The following TNRC18 variants were observed in gnomAD, a reference collection of about 807,000 sequenced individuals.
The protein encoded by TNRC18 is trinucleotide repeat-containing gene 18 protein.
TNRC18 carries 69 observed loss-of-function variants against 226.7 expected under a neutral mutation model. That is an observed-to-expected ratio of 0.30 (90% confidence interval 0.25 to 0.37). The LOEUF (loss-of-function observed/expected upper bound fraction) is 0.37. Ranked by LOEUF, TNRC18 falls within the 10% of genes least tolerant of loss-of-function variation. The pLI is 1.00. For missense variants in TNRC18, 4,754 were observed against 4,256.6 expected (o/e 1.12, Z -3.25); for synonymous variants, 2,449 against 1,927.6 (o/e 1.27, Z -7.09).
chr7:5,416,016 G>A (rs1261101866), intron 2 of TNRC18, among the ~76,000 whole-genome samples: 3 of 150,966 alleles, frequency 2.0e-5, no homozygotes, highest in East Asian at 2.0e-4. Flanking sequence ...CGGGGAGGCT[G>A]AAGCAGAATT....
In TNRC18 at chr7:5,362,778, C is replaced by T. The variant is rs781057999; in HGVS notation, c.4267G>A (p.Ala1423Thr). ...TCCCTCAGCATGTGGCTGCCAGCTG[C>T]CAGCAGACTCTCCAGGGAGGGCCGC... Reference protein sequence around the residue: ...VARPSLESLLAAGSHMLREVL... With the variant: ...VARPSLESLLTAGSHMLREVL... Residue 1423 changes from alanine to threonine, a missense_variant, in exon 12 of 30, where the codon GCA becomes ACA. Physicochemically the swap from Ala to Thr is moderately conservative, Grantham distance 58 (BLOSUM62 0). Transcript: ENST00000430969. 2 of 1,572,498 alleles carry T rather than the reference C, an allele frequency of 1.3e-6. No homozygotes were observed. The highest frequency in any genetic ancestry group is 1.7e-6 in the Non-Finnish European group (2 of 1,159,542).
At chr7:5,347,881 G>A (rs571999414) in intron 17 of TNRC18, among the ~76,000 whole-genome samples, 13 of 151,490 alleles carry the variant, frequency 8.6e-5, no homozygotes, top group South Asian at 2.1e-4. Flanking sequence ...CTTGAACCCC[G>A]GAGGCGGAGG....
intron 21 of TNRC18, among the ~76,000 whole-genome samples, chr7:5,323,890 A>G (rs1788630309): frequency 6.6e-6 from 1 of 152,106 alleles, no homozygotes; most frequent in Non-Finnish European, 1.5e-5. Flanking sequence ...TTTAAAGCCA[A>G]TCTGACCATA....
intron 5 of TNRC18, among the ~76,000 whole-genome samples, chr7:5,385,981 T>TC (rs1779750736): frequency 2.9e-5 from 1 of 34,484 alleles, no homozygotes; most frequent in Admixed American, 4.0e-4. Flanking sequence ...AAAGTCTGTC[T>TC]CAAAAAAAAA....
rs866821877 is a variant in TNRC18 at position 5,381,967 on chromosome 7, T to A, written c.2153-3943A>T. 6.6e-4 allele frequency among the ~76,000 whole-genome samples: 101 copies of A among 151,970 alleles called. 1 individual carries two copies. In the Middle Eastern group the frequency reaches 0.01, roughly 15 times the overall value. On this transcript the variant is annotated intron_variant, in intron 5 of 29. Transcript: ENST00000430969. ...GGCGACAGAGTGAGACTCCATCTCATAAATAAATTAATTAATTAAATAATA... is the reference window on the plus strand; with the variant it reads ...GGCGACAGAGTGAGACTCCATCTCAAAAATAAATTAATTAATTAAATAATA...
intron 18 of TNRC18, 127 bp from the exon 19 acceptor site, chr7:5,333,176 C>CTCTCCTGG: frequency 8.9e-7 from 1 of 1,119,882 alleles, no homozygotes; most frequent in Non-Finnish European, 1.3e-6. Context: ...TGCCCGTTTC[C>CTCTCCTGG]AGGAGAGGAA....
At chr7:5,356,840 A>C (rs1294473629) in intron 16 of TNRC18, 76 bp downstream of exon 16, 50 of 1,395,144 alleles carry the variant, frequency 3.6e-5, no homozygotes, top group Admixed American at 1.4e-4. Flanking sequence ...CGGGGGGGGA[A>C]GGAGGACGGT....
intron 2 of TNRC18, among the ~76,000 whole-genome samples, chr7:5,408,685 G>A (rs1781644890): frequency 6.6e-6 from 1 of 152,166 alleles, no homozygotes; most frequent in Admixed American, 6.5e-5. Context: ...CAAGAAAGCA[G>A]AGAGACAAGA....
At position 5,357,124 on chromosome 7, in the gene TNRC18, G is replaced by A. The variant is rs758597891; in HGVS notation, c.4986C>T (p.Cys1662=). The part of the protein sequence containing the change: ...AGGKSKTSGG[C]GRYLTPYDSL... ...TGTCGTAAGGAGTCAAGTACCTGCC[G>A]CAGCCCCCGCTAGTTTTCGATTTCC... The change falls in exon 16 of 30, where the codon TGC becomes TGT. Residue 1662 remains cysteine, a synonymous_variant. Coordinates refer to ENST00000430969, the MANE Select transcript of TNRC18 (RefSeq NM_001080495.3). The A allele has an allele frequency of 1.3e-5, 21 of 1,555,926 alleles. No individual in the cohort carries two copies. Among genetic ancestry groups the A allele is most frequent in the Middle Eastern group, 1.7e-4 (1 of 5,998 alleles).
rs1290425645 is a variant in TNRC18 at position 5,362,799 on chromosome 7, G to A, written c.4246C>T (p.Pro1416Ser). The A allele has an allele frequency of 1.9e-6, 3 of 1,566,252 alleles. No homozygotes were observed. The East Asian group carries it at 7.1e-5, about 37-fold the overall frequency. The change falls in exon 12 of 30, where the codon CCC (proline) becomes TCC (serine). Residue 1416 changes from proline to serine, a missense_variant. Physicochemically the swap from Pro to Ser is moderately conservative, Grantham distance 74. Coordinates refer to ENST00000430969, the MANE Select transcript of TNRC18 (RefSeq NM_001080495.3). ...GGAERALVAR[P>S]SLESLLAAGS... is the part of the protein sequence containing the mutation. ...GCTGCCAGCAGACTCTCCAGGGAGG[G>A]CCGCGCCACCAGGGCCCGCTCCGCA...
intron 2 of TNRC18, among the ~76,000 whole-genome samples, chr7:5,404,370 T>C (rs1021878009): frequency 5.3e-5 from 8 of 151,270 alleles, no homozygotes; most frequent in African/African-American, 1.9e-4. Flanking sequence ...GACTCCGTCT[T>C]GAGAAAAAAA....
At chr7:5,375,995 G>A (rs761355832) in intron 9 of TNRC18, 39 bp downstream of exon 9, 34 of 1,548,064 alleles carry the variant, frequency 2.2e-5, no homozygotes, top group African/African-American at 5.5e-5. Flanking sequence ...ACCCATGGGG[G>A]CCCCCAGAGG....
chr7:5,384,162 T>A (rs1001048184), intron 5 of TNRC18, among the ~76,000 whole-genome samples: 9 of 151,946 alleles, frequency 5.9e-5, no homozygotes, highest in Non-Finnish European at 1.3e-4. Context: ...GAGACGGGGT[T>A]TTACCACATT....
At chr7:5,358,005 C>T (rs922173696) in intron 15 of TNRC18, among the ~76,000 whole-genome samples, 1 of 152,128 alleles carries the variant, frequency 6.6e-6, no homozygotes, top group African/African-American at 2.4e-5. Flanking sequence ...GTGCTGCTGC[C>T]GATGGCCTGA....
At chr7:5,359,236 C>G (rs1792777007) in intron 15 of TNRC18, among the ~76,000 whole-genome samples, 162 bp downstream of exon 15, 1 of 152,094 alleles carries the variant, frequency 6.6e-6, no homozygotes, top group Admixed American at 6.6e-5. Context: ...CCCCTCTGTA[C>G]AATAAGGAAG....
intron 11 of TNRC18, 51 bp from the exon 12 acceptor site, chr7:5,362,876 C>A: frequency 1.4e-6 from 2 of 1,444,336 alleles, no homozygotes; most frequent in East Asian, 2.6e-5. Context: ...CTTCCCCAAC[C>A]CCAAACGGGG....
chr7:5,361,494 G>A (rs1424334548), intron 14 of TNRC18, 100 bp downstream of exon 14: 11 of 1,347,380 alleles, frequency 8.2e-6, no homozygotes, highest in Admixed American at 3.1e-5. Context: ...CCCGAGGGAC[G>A]CGAGGTCCCC....
At chr7:5,418,768 G>A (rs556258921) in intron 2 of TNRC18, among the ~76,000 whole-genome samples, 2 of 152,350 alleles carry the variant, frequency 1.3e-5, no homozygotes, top group South Asian at 2.1e-4. Flanking sequence ...CAAAGAAAAC[G>A]CGGGAGGGGG....
rs200029475 is a variant in TNRC18, at chr7:5,374,308, C to T, written c.2976G>A (p.Pro992=). Residue 992 remains proline (P), a synonymous_variant, in exon 10 of 30, where the codon CCG becomes CCA. Transcript: ENST00000430969. ...PAGTYGKAVS[P]PPSPRASPVA... Reference sequence around the variant, plus strand: ...CAGGGGATGCGCGGGGTGATGGTGGCGGGCTCACGGCCTTGCCGTAGGTGC... The same window carrying T: ...CAGGGGATGCGCGGGGTGATGGTGGTGGGCTCACGGCCTTGCCGTAGGTGC... The T allele has an allele frequency of 4.2e-4, 603 of 1,444,734 alleles. 1 individual carries two copies. In the African/African-American group the frequency reaches 7.6e-3, roughly 18 times the overall value. The allele number at this position is 1,444,734 out of a possible 1,614,324, so 89.5% of individuals were successfully genotyped here.
Sources: gnomAD v4.1 joint callset for allele counts (sites outside exome capture counted in the v4.1 genomes callset) on GRCh38, gnomAD v4.1.1 for gene constraint, MANE v1.5 for transcripts, NCBI Gene and HGNC (gene_info 2026-07-23, HGNC 2026-07-21) for gene names.